The following USP26 variants were observed in gnomAD, a reference collection of about 807,000 sequenced individuals.
USP26 encodes ubiquitin carboxyl-terminal hydrolase 26.
For missense variants in USP26, 649 were observed against 642.3 expected (o/e 1.01, Z -0.11); for synonymous variants, 236 against 240.6 (o/e 0.98, Z 0.18).
At chrX:133,063,414 A>G (rs2067500293) in intron 5 of USP26, among the ~76,000 whole-genome samples, 2 of 111,294 alleles carry the variant, frequency 1.8e-5, no homozygotes, top group South Asian at 7.7e-4. Context: ...AGCAACCCCA[A>G]GACACATAAT....
chrX:133,096,860 A>T (rs549022740), intron 1 of USP26, among the ~76,000 whole-genome samples, 170 bp downstream of exon 1: 1 of 112,419 alleles, frequency 8.9e-6, no homozygotes, highest in South Asian at 3.7e-4. Context: ...ATGCCACTGC[A>T]CTACAGCCTG....
chrX:133,066,855 A>G (rs1418526163), intron 5 of USP26, among the ~76,000 whole-genome samples: 3 of 112,173 alleles, frequency 2.7e-5, no homozygotes, highest in Non-Finnish European at 5.6e-5. Flanking sequence ...AACTGCAACA[A>G]AAGCCAGAAT....
intron 5 of USP26, among the ~76,000 whole-genome samples, chrX:133,033,265 A>C (rs1036545435): frequency 4.5e-5 from 5 of 111,876 alleles, no homozygotes; most frequent in African/African-American, 1.6e-4. Flanking sequence ...ATCAGGGCAG[A>C]CTTTCTTTTT....
At chrX:133,043,240 GA>G (rs1407124597) in intron 5 of USP26, among the ~76,000 whole-genome samples, 1 of 112,061 alleles carries the variant, frequency 8.9e-6, no homozygotes, top group Non-Finnish European at 1.9e-5. Context: ...TAGGTAAAAA[GA>G]AAGGTGAGAT....
At chrX:133,044,230 C>T (rs2148528865) in intron 5 of USP26, among the ~76,000 whole-genome samples, 1 of 113,386 alleles carries the variant, frequency 8.8e-6, no homozygotes, top group African/African-American at 3.2e-5. Context: ...CCTCGCAGCC[C>T]TCGCTCACTC....
intron 5 of USP26, among the ~76,000 whole-genome samples, chrX:133,044,317 C>A (rs2067430038): frequency 8.8e-6 from 1 of 113,396 alleles, no homozygotes; most frequent in Admixed American, 9.2e-5. Context: ...ACTGTGGGAG[C>A]CCCTTCCTGG....
chrX:133,057,876 T>A (rs866879000), intron 5 of USP26, among the ~76,000 whole-genome samples: 33 of 22,505 alleles, frequency 1.5e-3, no homozygotes, highest in African/African-American at 2.9e-3. Context: ...ATTTTTTTTT[T>A]TTTTTTTTTT....
chrX:133,092,995 C>T (rs1205386740), intron 1 of USP26, among the ~76,000 whole-genome samples: 4 of 112,123 alleles, frequency 3.6e-5, no homozygotes, highest in Non-Finnish European at 7.5e-5. Context: ...CAGTGGCTCA[C>T]GCCTGTAATC....
chrX:133,062,445 C>T (rs1162596966), intron 5 of USP26, among the ~76,000 whole-genome samples: 1 of 112,144 alleles, frequency 8.9e-6, no homozygotes, highest in Non-Finnish European at 1.9e-5. Context: ...AGGTCCCTGA[C>T]CCCTGTGCCT....
chrX:133,093,204 T>C (rs1411922919), intron 1 of USP26, among the ~76,000 whole-genome samples: 1 of 111,585 alleles, frequency 9.0e-6, no homozygotes, highest in Non-Finnish European at 1.9e-5. Context: ...GGGGATCACT[T>C]GAGCCCAGGA....
chrX:133,070,287 G>T (rs1194477695), intron 5 of USP26, among the ~76,000 whole-genome samples: 1 of 111,513 alleles, frequency 9.0e-6, no homozygotes, highest in Non-Finnish European at 1.9e-5. Context: ...ACTTCAAAAG[G>T]CTTTTAATTT....
chrX:133,023,935 C>T lies in USP26; in HGVS notation c.*1544G>A, dbSNP rs765529072. ...ATTGGTAAAGGTGTGACTGAAAATT[C>T]AATCCTATGTTATGTGAGAAAACCT... On this transcript the variant is annotated 3_prime_UTR_variant, in exon 6 of 6. Coordinates refer to ENST00000511190, the MANE Select transcript of USP26 (RefSeq NM_031907.3). Among the ~76,000 whole-genome samples the T allele has an allele frequency of 1.8e-5, 2 of 112,044 alleles. No individual in the cohort carries two copies. Among genetic ancestry groups the T allele is most frequent in the South Asian group, 3.7e-4 (1 of 2,674 alleles).
At chrX:133,088,411 G>T (rs1266937015) in intron 4 of USP26, among the ~76,000 whole-genome samples, 1 of 111,512 alleles carries the variant, frequency 9.0e-6, no homozygotes. Flanking sequence ...TAGGGTTCAT[G>T]CTCCTATGAA....
intron 5 of USP26, among the ~76,000 whole-genome samples, chrX:133,042,736 T>G (rs1398665865): frequency 8.9e-6 from 1 of 111,813 alleles, no homozygotes; most frequent in African/African-American, 3.3e-5. Flanking sequence ...AAGCAAGGAG[T>G]GCTTCCACCT....
intron 5 of USP26, among the ~76,000 whole-genome samples, chrX:133,044,516 C>T (rs762485804): frequency 8.8e-6 from 1 of 113,562 alleles, no homozygotes; most frequent in South Asian, 3.6e-4. Context: ...GGGCTTAGCA[C>T]CTGGACCAGC....
chrX:133,084,845 A>G (rs2067583455), intron 4 of USP26, among the ~76,000 whole-genome samples: 1 of 111,251 alleles, frequency 9.0e-6, no homozygotes, highest in Non-Finnish European at 1.9e-5. Context: ...CCAACTCCTA[A>G]GCAGTATACA....
chrX:133,082,999 T>G (rs1189710484), intron 5 of USP26, among the ~76,000 whole-genome samples: 2 of 111,472 alleles, frequency 1.8e-5, no homozygotes, highest in Admixed American at 1.9e-4. Flanking sequence ...TTTATGTCAT[T>G]AAGATGCACC....
intron 5 of USP26, among the ~76,000 whole-genome samples, chrX:133,045,026 C>G (rs759457211): frequency 1.8e-5 from 2 of 111,693 alleles, no homozygotes; most frequent in Non-Finnish European, 3.8e-5. Flanking sequence ...CACCAATCAG[C>G]ACTCTGTGTC....
Position 133,026,764 on chromosome X carries a change from A to T in USP26, c.1457T>A (p.Phe486Tyr). 8.3e-7 allele frequency: 1 copy of T among 1,211,210 alleles called. No individual in the cohort carries two copies. The highest frequency in any genetic ancestry group is 1.1e-6 in the Non-Finnish European group (1 of 895,377). ...PSSIQSTFDL[F>Y]FGAEELEYKC... ...ATACTCAAGCTCTTCTGCTCCAAAA[A>T]AAAGATCAAAAGTAGACTGAATAGA... The change falls in exon 6 of 6, where the codon TTT (phenylalanine) becomes TAT (tyrosine). Residue 486 changes from phenylalanine (F) to tyrosine (Y), a missense_variant. By Grantham distance (22) the Phe-to-Tyr change is conservative. Transcript: ENST00000511190.
Sources: gnomAD v4.1 joint callset for allele counts (sites outside exome capture counted in the v4.1 genomes callset) on GRCh38, gnomAD v4.1.1 for gene constraint, MANE v1.5 for transcripts, NCBI Gene and HGNC (gene_info 2026-07-23, HGNC 2026-07-21) for gene names.